The following ANKS1B variants were observed in gnomAD, a reference collection of about 807,000 sequenced individuals.
ANKS1B encodes ankyrin repeat and sterile alpha motif domain-containing protein 1B.
ANKS1B carries 36 observed loss-of-function variants against 148.3 expected under a neutral mutation model. That is an observed-to-expected ratio of 0.24 (90% confidence interval 0.19 to 0.32). The LOEUF (loss-of-function observed/expected upper bound fraction) is 0.32, where lower values mean the gene tolerates loss of function less well. Among genes scored for constraint, ANKS1B ranks in the 10% least tolerant of loss-of-function variants. The probability of loss-of-function intolerance (pLI) is 1.00; values close to 1 mark genes in which losing one functional copy is unlikely to be tolerated. For synonymous variants in ANKS1B, 542 were observed against 560.8 expected (o/e 0.97, Z 0.47); for missense variants, 1,157 against 1,542.6 (o/e 0.75, Z 4.19).
chr12:99,755,440 T>C (rs2061473314), intron 8 of ANKS1B, among the ~76,000 whole-genome samples: 1 of 152,042 alleles, frequency 6.6e-6, no homozygotes, highest in East Asian at 1.9e-4. Flanking sequence ...GTACCATTCC[T>C]ACTGAAACTA....
intron 1 of ANKS1B, among the ~76,000 whole-genome samples, chr12:99,982,529 T>G (rs2095717342): frequency 6.6e-6 from 1 of 152,196 alleles, no homozygotes; most frequent in Non-Finnish European, 1.5e-5. Context: ...GCATACCAGT[T>G]TTTAGACATA....
At chr12:99,638,726 C>T (rs2098269285) in intron 9 of ANKS1B, among the ~76,000 whole-genome samples, 1 of 152,182 alleles carries the variant, frequency 6.6e-6, no homozygotes, top group Non-Finnish European at 1.5e-5. Context: ...GGGAAAATGT[C>T]TTCAGGGCAT....
intron 15 of ANKS1B, among the ~76,000 whole-genome samples, chr12:99,131,115 G>A (rs536532804): frequency 2.0e-5 from 3 of 152,284 alleles, no homozygotes; most frequent in Admixed American, 1.3e-4. Flanking sequence ...ACCAGTGGCT[G>A]TTTGTTGCCT....
intron 1 of ANKS1B, among the ~76,000 whole-genome samples, chr12:99,959,679 C>T (rs1037654171): frequency 6.6e-6 from 1 of 152,020 alleles, no homozygotes; most frequent in African/African-American, 2.4e-5. Context: ...CAAAAAAAAG[C>T]ATAACGCTTG....
At chr12:99,073,182 C>T (rs1408767391) in intron 16 of ANKS1B, among the ~76,000 whole-genome samples, 1 of 152,168 alleles carries the variant, frequency 6.6e-6, no homozygotes, top group Non-Finnish European at 1.5e-5. Flanking sequence ...TCATTACATC[C>T]ATTCTAAAGG....
chr12:99,664,672 C>T (rs1386412492), intron 8 of ANKS1B, among the ~76,000 whole-genome samples: 1 of 152,202 alleles, frequency 6.6e-6, no homozygotes, highest in Non-Finnish European at 1.5e-5. Context: ...ACATTTCCAT[C>T]ACCGCAAAAG....
chr12:98,842,398 A>AT (rs2099411936), intron 17 of ANKS1B, among the ~76,000 whole-genome samples: 1 of 152,202 alleles, frequency 6.6e-6, no homozygotes, highest in African/African-American at 2.4e-5. Context: ...TACAGAAAAC[A>AT]TATCAGTGGT....
At chr12:99,764,861 C>G (rs1436657248) in intron 8 of ANKS1B, among the ~76,000 whole-genome samples, 1 of 152,060 alleles carries the variant, frequency 6.6e-6, no homozygotes, top group African/African-American at 2.4e-5. Flanking sequence ...CAGTGAGGAC[C>G]AGGGCTAGTT....
intron 11 of ANKS1B, among the ~76,000 whole-genome samples, chr12:99,431,370 C>T (rs986152709): frequency 6.6e-6 from 1 of 152,128 alleles, no homozygotes; most frequent in African/African-American, 2.4e-5. Context: ...TGGGTGTTCC[C>T]TTTCTCAACA....
At chr12:99,328,511 A>C (rs917487805) in intron 12 of ANKS1B, among the ~76,000 whole-genome samples, 2 of 152,018 alleles carry the variant, frequency 1.3e-5, no homozygotes, top group African/African-American at 4.8e-5. Context: ...AGTACACAGA[A>C]GGTTCTTGCC....
At chr12:99,040,577 G>A (rs1047602188) in intron 17 of ANKS1B, among the ~76,000 whole-genome samples, 2 of 152,108 alleles carry the variant, frequency 1.3e-5, no homozygotes, top group African/African-American at 4.8e-5. Context: ...AAAATAACAG[G>A]AACTGGTGGC....
intron 1 of ANKS1B, among the ~76,000 whole-genome samples, chr12:99,963,685 T>C (rs1185240319): frequency 6.6e-6 from 1 of 152,258 alleles, no homozygotes; most frequent in African/African-American, 2.4e-5. Flanking sequence ...GGAATTATAG[T>C]TTCCTGATAG....
chr12:98,919,569 A>G (rs980282738), intron 17 of ANKS1B, among the ~76,000 whole-genome samples: 6 of 152,242 alleles, frequency 3.9e-5, no homozygotes, highest in Admixed American at 1.3e-4. Context: ...ACAATGGGAC[A>G]CAAACACACT....
intron 14 of ANKS1B, among the ~76,000 whole-genome samples, chr12:99,193,786 T>G: frequency 6.8e-6 from 1 of 147,814 alleles, no homozygotes; most frequent in Non-Finnish European, 1.5e-5. Flanking sequence ...TCCATGTATT[T>G]CTAGTTCTTT....
At chr12:99,763,276 G>A (rs1330955301) in intron 8 of ANKS1B, among the ~76,000 whole-genome samples, 1 of 152,114 alleles carries the variant, frequency 6.6e-6, no homozygotes, top group Non-Finnish European at 1.5e-5. Context: ...TAAAGAAAAC[G>A]TGGCACATAT....
At chr12:99,440,380 A>G (rs1398081) in intron 11 of ANKS1B, among the ~76,000 whole-genome samples, 38,424 of 151,702 alleles carry the variant, frequency 0.25, 5,703 homozygotes, top group African/African-American at 0.41. Context: ...GAAGATAACT[A>G]GAATGTCAAT....
Position 99,247,663 on chromosome 12 carries a change from G to A in ANKS1B, c.1757-799C>T, listed in dbSNP as rs144718739. 8.5e-3 allele frequency among the ~76,000 whole-genome samples: 1,297 copies of A among 152,198 alleles called. 21 individuals are homozygous for A. The highest frequency in any genetic ancestry group is 0.05 in the South Asian group (239 of 4,812). On this transcript the variant is annotated intron_variant, in intron 12 of 26. Coordinates refer to ENST00000683438, the MANE Select transcript of ANKS1B (RefSeq NM_001352186.2). The stretch of plus-strand genomic sequence containing the variant: ...TTTATTCCTTTGGATTTTTTTCTAA[G>A]ATAAAACACACATTTTCTCTGAGAT...
chr12:99,505,534 A>G (rs2096702450), intron 9 of ANKS1B, among the ~76,000 whole-genome samples: 1 of 151,010 alleles, frequency 6.6e-6, no homozygotes, highest in East Asian at 1.9e-4. Context: ...TTCATTTTAT[A>G]AGATTTTGAT....
chr12:99,804,257 T>G (rs1424673571), intron 4 of ANKS1B, among the ~76,000 whole-genome samples: 2 of 152,210 alleles, frequency 1.3e-5, no homozygotes, highest in African/African-American at 2.4e-5. Flanking sequence ...AATAAACATC[T>G]AGTTTATCAT....
Sources: gnomAD v4.1 joint callset for allele counts (sites outside exome capture counted in the v4.1 genomes callset) on GRCh38, gnomAD v4.1.1 for gene constraint, MANE v1.5 for transcripts, NCBI Gene and HGNC (gene_info 2026-07-23, HGNC 2026-07-21) for gene names.